The following TMEM132C variants were observed in gnomAD, a reference collection of about 807,000 sequenced individuals.
The protein encoded by TMEM132C is protein phosphatase 1, regulatory subunit 152.
TMEM132C carries 29 observed loss-of-function variants against 61.4 expected under a neutral mutation model. That is an observed-to-expected ratio of 0.47 (90% CI 0.35 to 0.64). TMEM132C has a LOEUF of 0.64. TMEM132C is among the 30% of genes least tolerant of loss of function. The probability of loss-of-function intolerance (pLI) is 0.00; values close to 1 mark genes in which losing one functional copy is unlikely to be tolerated. For missense variants in TMEM132C, 1,408 were observed against 1,476.9 expected (o/e 0.95, Z 0.76); for synonymous variants, 656 against 633.1 (o/e 1.04, Z -0.54).
intron 1 of TMEM132C, among the ~76,000 whole-genome samples, chr12:128,309,039 G>C (rs905690582): frequency 2.0e-5 from 3 of 152,080 alleles, no homozygotes; most frequent in Non-Finnish European, 4.4e-5. Context: ...AGAAAGTAGA[G>C]GAGACAATTT....
chr12:128,525,851 G>A (rs560899787), intron 2 of TMEM132C, among the ~76,000 whole-genome samples: 41 of 152,282 alleles, frequency 2.7e-4, no homozygotes, highest in Non-Finnish European at 5.4e-4. Context: ...AGTGCCCCTG[G>A]CATCAAAGAG....
intron 1 of TMEM132C, among the ~76,000 whole-genome samples, chr12:128,397,386 A>G (rs1056425885): frequency 4.9e-4 from 75 of 152,144 alleles, no homozygotes; most frequent in Non-Finnish European, 4.1e-4. Context: ...GAGTTTGCAA[A>G]GGAAGGTGCA....
chr12:128,703,556 G>A (rs185606711), intron 8 of TMEM132C, among the ~76,000 whole-genome samples: 1 of 152,272 alleles, frequency 6.6e-6, no homozygotes, highest in East Asian at 1.9e-4. Flanking sequence ...TTAATGGTCT[G>A]GAGAGTTTTT....
At chr12:128,446,924 A>G (rs1290905314) in intron 2 of TMEM132C, among the ~76,000 whole-genome samples, 1 of 152,232 alleles carries the variant, frequency 6.6e-6, no homozygotes, top group Non-Finnish European at 1.5e-5. Flanking sequence ...GCAAAAGTCC[A>G]AGGAACTAGG....
At chr12:128,454,618 T>G (rs779399819) in intron 2 of TMEM132C, among the ~76,000 whole-genome samples, 3 of 152,226 alleles carry the variant, frequency 2.0e-5, no homozygotes, top group Non-Finnish European at 4.4e-5. Flanking sequence ...TGAAGTTTCC[T>G]GAGAGACCCC....
intron 1 of TMEM132C, among the ~76,000 whole-genome samples, chr12:128,403,002 A>G (rs1250163624): frequency 6.6e-6 from 1 of 152,208 alleles, no homozygotes; most frequent in African/African-American, 2.4e-5. Flanking sequence ...TCAGAGGGGA[A>G]TATAAGTACC....
chr12:128,570,736 G>T lies in TMEM132C; in HGVS notation c.1121+26633G>T, dbSNP rs191100320. Among the ~76,000 whole-genome samples the T allele has an allele frequency of 6.6e-6, 1 of 152,308 alleles. No homozygotes were observed. The highest frequency in any genetic ancestry group is 6.5e-5 in the Admixed American group (1 of 15,308). Reference sequence around the variant, plus strand: ...CCACAGGCATCTTATTGTGTTCCAGGTAGAGCAAATGGAGGAAGATGTATG... The same window carrying T: ...CCACAGGCATCTTATTGTGTTCCAGTTAGAGCAAATGGAGGAAGATGTATG... On this transcript the variant is annotated intron_variant, in intron 3 of 8. Coordinates refer to ENST00000435159, the MANE Select transcript of TMEM132C (RefSeq NM_001136103.3). This position sits in a 1 kb window ranked among gnomAD's most constrained non-coding sequence, Gnocchi z 4.7.
intron 6 of TMEM132C, 86 bp from the exon 7 acceptor site, chr12:128,695,744 T>G: frequency 4.8e-4 from 674 of 1,405,128 alleles, no homozygotes; most frequent in Non-Finnish European, 5.7e-4. Context: ...GTGGTCTCCT[T>G]GAGGTTGAGG....
intron 2 of TMEM132C, among the ~76,000 whole-genome samples, chr12:128,542,907 C>T (rs1450686319): frequency 6.6e-6 from 1 of 151,090 alleles, no homozygotes; most frequent in Non-Finnish European, 1.5e-5. Flanking sequence ...AGGCGTGAGC[C>T]ACTGTGCCAT....
At chr12:128,513,090 ACAG>A (rs1872617180) in intron 2 of TMEM132C, among the ~76,000 whole-genome samples, 1 of 152,128 alleles carries the variant, frequency 6.6e-6, no homozygotes, top group South Asian at 2.1e-4. Context: ...AGAGGGGAAG[ACAG>A]AAGAAAGCAG....
chr12:128,520,530 T>C (rs191123736), intron 2 of TMEM132C, among the ~76,000 whole-genome samples: 1 of 152,196 alleles, frequency 6.6e-6, no homozygotes, highest in Non-Finnish European at 1.5e-5. Flanking sequence ...ATGGAAGATA[T>C]GTATACCACA....
chr12:128,700,803 T>C (rs1183157569), intron 8 of TMEM132C, among the ~76,000 whole-genome samples: 3 of 152,204 alleles, frequency 2.0e-5, no homozygotes, highest in Non-Finnish European at 4.4e-5. Flanking sequence ...GTGTGATTCA[T>C]CAGCTGATAT....
intron 2 of TMEM132C, among the ~76,000 whole-genome samples, chr12:128,421,943 C>G (rs1191758538): frequency 1.3e-5 from 2 of 152,206 alleles, no homozygotes. Flanking sequence ...TAAAGCCCCA[C>G]TAAACATTTA....
intron 4 of TMEM132C, among the ~76,000 whole-genome samples, chr12:128,665,864 C>T (rs1331085553): frequency 2.7e-5 from 4 of 148,324 alleles, no homozygotes; most frequent in African/African-American, 5.0e-5. Context: ...CACACATACA[C>T]ACAGGCACAC....
At chr12:128,319,859 C>G (rs542206995) in intron 1 of TMEM132C, among the ~76,000 whole-genome samples, 1 of 151,210 alleles carries the variant, frequency 6.6e-6, no homozygotes, top group South Asian at 2.1e-4. Flanking sequence ...AGTGAACAGT[C>G]TTCACTGACC....
intron 3 of TMEM132C, among the ~76,000 whole-genome samples, chr12:128,553,642 A>G (rs1874243358): frequency 6.6e-6 from 1 of 152,234 alleles, no homozygotes; most frequent in South Asian, 2.1e-4. Flanking sequence ...TTTAGTATAA[A>G]TAAACCAGTG....
At chr12:128,685,714 C>A (rs2135644193) in intron 5 of TMEM132C, among the ~76,000 whole-genome samples, 1 of 152,074 alleles carries the variant, frequency 6.6e-6, no homozygotes, top group East Asian at 1.9e-4. Context: ...AGTGCAGAGC[C>A]AGCTCAGCGT....
chr12:128,596,705 CACT>C (rs1442052829), intron 3 of TMEM132C, among the ~76,000 whole-genome samples: 9 of 152,200 alleles, frequency 5.9e-5, no homozygotes, highest in Non-Finnish European at 1.3e-4. Flanking sequence ...CTGTCCATCA[CACT>C]GGGCTGCCCC....
intron 4 of TMEM132C, among the ~76,000 whole-genome samples, chr12:128,623,450 T>TA (rs1172310317): frequency 2.8e-5 from 4 of 145,438 alleles, no homozygotes; most frequent in Non-Finnish European, 4.5e-5. Flanking sequence ...TATATAATTT[T>TA]AAAAAAATGA....
Sources: allele counts gnomAD v4.1 joint callset (sites outside exome capture counted in the v4.1 genomes callset), GRCh38; gene constraint gnomAD v4.1.1; non-coding constraint Gnocchi (gnomAD v3.1); transcripts MANE v1.5; gene names NCBI Gene and HGNC (gene_info 2026-07-23, HGNC 2026-07-21).